ANKS1B: variants seen among roughly 807,000 people sequenced by gnomAD.
ANKS1B encodes ankyrin repeat and sterile alpha motif domain containing 1B, also known as ankyrin repeat and sterile alpha motif domain-containing protein 1B.
ANKS1B carries 36 observed loss-of-function variants against 148.3 expected under a neutral mutation model. The ratio of observed to expected loss-of-function variants is 0.24; its 90% CI spans 0.19 to 0.32. ANKS1B has a LOEUF of 0.32. Among genes scored for constraint, ANKS1B ranks in the 10% least tolerant of loss-of-function variants. The pLI is 1.00. For synonymous variants in ANKS1B, 542 were observed against 560.8 expected (o/e 0.97, Z 0.47); for missense variants, 1,157 against 1,542.6 (o/e 0.75, Z 4.19).
rs563393438 is a variant in ANKS1B at position 99,961,663 on chromosome 12, TTGTACCC to T, written c.134+22434_134+22440del. 2.7e-3 allele frequency among the ~76,000 whole-genome samples: 407 copies of T among 152,340 alleles called. 1 individual carries two copies. Among genetic ancestry groups the T allele is most frequent in the African/African-American group, 9.4e-3 (391 of 41,570 alleles). ...AGGAAGGATATATTAAACATGGATC[TTGTACCC>T]TTTTCTGCAACTCCTTTCATCAGTG... On this transcript the variant is annotated intron_variant, in intron 1 of 26. Transcript: ENST00000683438.
intron 12 of ANKS1B, chr12:99,386,274 G>A (rs552735247): frequency 2.1e-4 from 32 of 152,316 alleles, no homozygotes; most frequent in African/African-American, 7.5e-4. Context: ...ACACATGTAA[G>A]TGAGAGTTCA....
chr12:99,388,584 G>A (rs529638021), intron 12 of ANKS1B, among the ~76,000 whole-genome samples: 2 of 152,136 alleles, frequency 1.3e-5, no homozygotes, highest in African/African-American at 2.4e-5. Flanking sequence ...ATGGCACAAC[G>A]AACTTAGTGG....
At chr12:99,574,785 A>G (rs1259529966) in intron 9 of ANKS1B, among the ~76,000 whole-genome samples, 2 of 152,124 alleles carry the variant, frequency 1.3e-5, no homozygotes, top group Non-Finnish European at 1.5e-5. Flanking sequence ...TCAACCTGAT[A>G]AAGGGCATCT....
rs891510799 is a variant in ANKS1B at position 99,424,589 on chromosome 12, T to A, written c.1575+19084A>T. On this transcript the variant is annotated intron_variant, in intron 11 of 26. Coordinates refer to ENST00000683438, the MANE Select transcript of ANKS1B (RefSeq NM_001352186.2). ...AATCTGGATTTTATGTGTACTATTT[T>A]ATTTAATTTTTTCCTCCTGTACAGG... 3.3e-5 allele frequency among the ~76,000 whole-genome samples: 5 copies of A among 151,688 alleles called. 1 individual carries two copies. Among genetic ancestry groups the A allele is most frequent in the African/African-American group, 7.3e-5 (3 of 41,300 alleles).
intron 12 of ANKS1B, among the ~76,000 whole-genome samples, chr12:99,347,957 T>C (rs925087157): frequency 6.6e-6 from 1 of 151,874 alleles, no homozygotes; most frequent in African/African-American, 2.4e-5. Flanking sequence ...ACCAAAGGAA[T>C]ATATGAAACC....
At chr12:99,649,544 C>A in intron 9 of ANKS1B, 1 of 631,260 alleles carries the variant, frequency 1.6e-6, no homozygotes, top group Non-Finnish European at 2.8e-6. Flanking sequence ...GATGTGGCTG[C>A]AACCAAGTCT....
intron 9 of ANKS1B, among the ~76,000 whole-genome samples, chr12:99,542,813 C>T (rs180856537): frequency 4.6e-5 from 7 of 152,130 alleles, no homozygotes; most frequent in African/African-American, 1.7e-4. Flanking sequence ...GAATACCTAC[C>T]TCATATAATG....
chr12:99,632,867 G>T (rs1286647134), intron 9 of ANKS1B, among the ~76,000 whole-genome samples: 1 of 145,770 alleles, frequency 6.9e-6, no homozygotes, highest in Non-Finnish European at 1.5e-5. Context: ...CCAGTAACTC[G>T]TCATTTACAT....
intron 15 of ANKS1B, among the ~76,000 whole-genome samples, chr12:99,125,107 G>A (rs1375761446): frequency 6.6e-6 from 1 of 152,212 alleles, no homozygotes; most frequent in African/African-American, 2.4e-5. Context: ...AGGACTTATT[G>A]TGACATGTTT....
At chr12:99,417,681 G>T (rs1286523679) in intron 11 of ANKS1B, among the ~76,000 whole-genome samples, 1 of 151,962 alleles carries the variant, frequency 6.6e-6, no homozygotes. Flanking sequence ...CCATAAACAG[G>T]TATGTCTTTC....
Position 98,773,174 on chromosome 12 carries a change from T to C in ANKS1B, c.3447A>G (p.Ile1149Met). 1 of 1,607,618 alleles carries C rather than the reference T, an allele frequency of 6.2e-7. No homozygotes were observed. Among genetic ancestry groups the C allele is most frequent in the Non-Finnish European group, 8.5e-7 (1 of 1,177,178 alleles). The change falls in exon 25 of 27, where the codon ATA becomes ATG. Residue 1149 changes from isoleucine (I) to methionine (M), a missense_variant. Physicochemically the swap from Ile to Met is conservative, Grantham distance 10 (BLOSUM62 1). Coordinates refer to ENST00000683438, the MANE Select transcript of ANKS1B (RefSeq NM_001352186.2). ...TATTACGAATTTCATGCTCAGCAAT[T>C]ATGTTCTGGAAGAAATGACATAAAT... is the stretch of plus-strand genomic sequence containing the variant. ...VKFIDATNKN[I>M]IAEHEIRNIS...
At chr12:99,352,875 A>C (rs912109827) in intron 12 of ANKS1B, among the ~76,000 whole-genome samples, 6 of 152,072 alleles carry the variant, frequency 3.9e-5, no homozygotes, top group Admixed American at 3.9e-4. Flanking sequence ...CGAGTTATAG[A>C]GTCTATTATA....
intron 12 of ANKS1B, among the ~76,000 whole-genome samples, chr12:99,313,021 G>A (rs935953600): frequency 2.0e-5 from 3 of 151,890 alleles, no homozygotes; most frequent in Non-Finnish European, 4.4e-5. Context: ...TAGATAGACT[G>A]CTAACTAGAC....
At chr12:99,761,588 A>G (rs976544422) in intron 8 of ANKS1B, among the ~76,000 whole-genome samples, 2 of 152,126 alleles carry the variant, frequency 1.3e-5, no homozygotes, top group East Asian at 3.8e-4. Context: ...CACAGCCAAC[A>G]TTATAATAAA....
chr12:99,784,168 CTTTTT>C (rs71088155), intron 4 of ANKS1B, among the ~76,000 whole-genome samples: 2 of 110,872 alleles, frequency 1.8e-5, no homozygotes, highest in African/African-American at 6.8e-5. Flanking sequence ...ACTGAACTTT[CTTTTT>C]TTTTTTTTTT....
At chr12:99,816,334 ATTAT>A (rs1204665930) in intron 2 of ANKS1B, among the ~76,000 whole-genome samples, 1 of 150,738 alleles carries the variant, frequency 6.6e-6, no homozygotes, top group Non-Finnish European at 1.5e-5. Context: ...TTTTGATGGG[ATTAT>A]TTGTTTTTTT....
Position 99,294,684 on chromosome 12 carries a change from G to A in ANKS1B, c.1757-47820C>T, listed in dbSNP as rs529998797. On this transcript the variant is annotated intron_variant, in intron 12 of 26. Coordinates refer to ENST00000683438, the MANE Select transcript of ANKS1B (RefSeq NM_001352186.2). ...TCTTTTTTTTTTGAGACAAAGTTTC[G>A]CTCCTGCTGCCGAGGCTGGAGTGCA... 7.1e-4 allele frequency among the ~76,000 whole-genome samples: 107 copies of A among 151,436 alleles called. 1 individual carries two copies. The highest frequency in any genetic ancestry group is 2.1e-3 in the African/African-American group (86 of 41,130).
intron 9 of ANKS1B, chr12:99,649,285 T>C: frequency 6.2e-7 from 1 of 1,611,684 alleles, no homozygotes; most frequent in Non-Finnish European, 8.5e-7. Context: ...GTTCTCTCCC[T>C]AGGGATATGC....
chr12:99,917,132 G>A (rs550897595), intron 1 of ANKS1B, among the ~76,000 whole-genome samples: 68 of 152,206 alleles, frequency 4.5e-4, no homozygotes, highest in Non-Finnish European at 8.8e-4. Context: ...AATATCAATT[G>A]TTGGGCAGGG....
Sources: gnomAD v4.1 joint callset for allele counts (sites outside exome capture counted in the v4.1 genomes callset) on GRCh38, gnomAD v4.1.1 for gene constraint, MANE v1.5 for transcripts, NCBI Gene and HGNC (gene_info 2026-07-23, HGNC 2026-07-21) for gene names.